CWC27: variants seen among roughly 807,000 people sequenced by gnomAD.
The protein encoded by CWC27 is CWC27 spliceosome associated cyclophilin, also known as spliceosome-associated protein CWC27 homolog.
A neutral mutation model predicts 63.6 loss-of-function variants in CWC27; 47 were observed. That is an observed-to-expected ratio of 0.74 (90% CI 0.58 to 0.94). The LOEUF (loss-of-function observed/expected upper bound fraction) is 0.94. CWC27 is among the 40% of genes least tolerant of loss of function. The pLI is 0.00. For synonymous variants in CWC27, 175 were observed against 179.8 expected, an observed-to-expected ratio of 0.97 and a Z score of 0.22; for missense variants, 495 against 554.3, an observed-to-expected ratio of 0.89 and a Z score of 1.07.
intron 10 of CWC27, among the ~76,000 whole-genome samples, chr5:64,857,071 A>ATGT (rs1451971174): frequency 1.3e-5 from 2 of 152,200 alleles, no homozygotes; most frequent in Non-Finnish European, 2.9e-5. Flanking sequence ...CATATTGGAG[A>ATGT]TGTTATAAGC....
chr5:64,827,891 A>G (rs964616558), intron 10 of CWC27, among the ~76,000 whole-genome samples: 6 of 152,174 alleles, frequency 3.9e-5, no homozygotes, highest in African/African-American at 1.4e-4. Context: ...ATCTTACACC[A>G]TCCTGCTTTG....
chr5:64,788,000 AC>A (rs1258403118), intron 6 of CWC27, among the ~76,000 whole-genome samples: 14 of 152,300 alleles, frequency 9.2e-5, no homozygotes, highest in Admixed American at 3.9e-4. Context: ...TTGATATCCT[AC>A]AAATACAAAG....
chr5:64,852,248 G>A (rs966388927), intron 10 of CWC27, among the ~76,000 whole-genome samples: 3 of 152,156 alleles, frequency 2.0e-5, no homozygotes, highest in Admixed American at 6.5e-5. Flanking sequence ...AGATCACAGT[G>A]ACTAAAAATG....
chr5:64,900,788 A>T (rs2112363293), intron 11 of CWC27, among the ~76,000 whole-genome samples: 1 of 152,224 alleles, frequency 6.6e-6, no homozygotes, highest in South Asian at 2.1e-4. Context: ...TTGCTAGGTG[A>T]TTTTATCGTT....
chr5:64,940,692 A>G (rs907466869), intron 11 of CWC27, among the ~76,000 whole-genome samples: 1 of 151,910 alleles, frequency 6.6e-6, no homozygotes, highest in African/African-American at 2.4e-5. Flanking sequence ...CCATTTATTT[A>G]TTATGTCAAT....
At chr5:64,916,473 G>A (rs1580724758) in intron 11 of CWC27, among the ~76,000 whole-genome samples, 1 of 152,062 alleles carries the variant, frequency 6.6e-6, no homozygotes, top group African/African-American at 2.4e-5. Flanking sequence ...GGATACTTAG[G>A]TAACACACAA....
intron 7 of CWC27, among the ~76,000 whole-genome samples, chr5:64,798,144 A>G (rs963680366): frequency 2.0e-5 from 3 of 152,158 alleles, no homozygotes; most frequent in Admixed American, 6.5e-5. Context: ...ATTCTTGTTT[A>G]AGTTATTTGA....
chr5:64,954,235 C>G (rs1302475020), intron 11 of CWC27, among the ~76,000 whole-genome samples: 1 of 152,132 alleles, frequency 6.6e-6, no homozygotes, highest in Non-Finnish European at 1.5e-5. Context: ...AAGCATAGGT[C>G]TCCAAGTGTA....
chr5:64,974,847 G>C (rs1187472947), intron 12 of CWC27, among the ~76,000 whole-genome samples: 1 of 152,066 alleles, frequency 6.6e-6, no homozygotes, highest in Non-Finnish European at 1.5e-5. Flanking sequence ...ACAGTAATCT[G>C]TTTTCTTATT....
intron 10 of CWC27, among the ~76,000 whole-genome samples, chr5:64,830,438 T>G (rs1450090892): frequency 6.6e-6 from 1 of 152,096 alleles, no homozygotes; most frequent in Non-Finnish European, 1.5e-5. Context: ...CAAGATGGAT[T>G]AAAGACTTAA....
chr5:64,894,377 T>A (rs1160049067), intron 11 of CWC27, among the ~76,000 whole-genome samples: 1 of 152,184 alleles, frequency 6.6e-6, no homozygotes, highest in Non-Finnish European at 1.5e-5. Context: ...TGATCCAACC[T>A]TGAGTGGATG....
chr5:64,953,850 T>G (rs1394114771), intron 11 of CWC27, among the ~76,000 whole-genome samples: 1 of 152,192 alleles, frequency 6.6e-6, no homozygotes, highest in East Asian at 1.9e-4. Context: ...ACATTAAGCC[T>G]AACATGGCAC....
intron 11 of CWC27, among the ~76,000 whole-genome samples, chr5:64,967,688 A>C (rs1051660561): frequency 6.6e-6 from 1 of 152,034 alleles, no homozygotes; most frequent in African/African-American, 2.4e-5. Flanking sequence ...AGCCTTTTTA[A>C]CATATAATAT....
intron 11 of CWC27, among the ~76,000 whole-genome samples, chr5:64,896,895 T>C (rs1290050730): frequency 6.6e-6 from 1 of 152,162 alleles, no homozygotes; most frequent in Admixed American, 6.6e-5. Context: ...CAATGCAACT[T>C]ATGTGAGAAA....
chr5:64,889,403 A>G (rs890734504), intron 11 of CWC27, among the ~76,000 whole-genome samples: 3 of 152,236 alleles, frequency 2.0e-5, no homozygotes, highest in Admixed American at 2.0e-4. Flanking sequence ...TAATTTCAAA[A>G]TAAAACAACG....
chr5:64,831,841 C>T (rs1343987238), intron 10 of CWC27, among the ~76,000 whole-genome samples: 1 of 151,818 alleles, frequency 6.6e-6, no homozygotes, highest in African/African-American at 2.4e-5. Flanking sequence ...ATTTTTATAA[C>T]TAATAACTGG....
At chr5:64,844,784 C>T (rs919177201) in intron 10 of CWC27, 2 of 417,164 alleles carry the variant, frequency 4.8e-6, no homozygotes, top group East Asian at 1.4e-4. Context: ...AGCATAGAGC[C>T]TAGACCTGTT....
intron 7 of CWC27, among the ~76,000 whole-genome samples, chr5:64,798,377 G>T (rs550766007): frequency 6.6e-6 from 1 of 152,222 alleles, no homozygotes; most frequent in South Asian, 2.1e-4. Context: ...TTCTTGTCCT[G>T]TCTTCTTTCT....
At chr5:64,924,018 C>T (rs547324031) in intron 11 of CWC27, among the ~76,000 whole-genome samples, 66 of 152,238 alleles carry the variant, frequency 4.3e-4, no homozygotes, top group Non-Finnish European at 7.2e-4. Context: ...CACTTCTTCA[C>T]TTCTGTTAAC....
Sources: allele counts gnomAD v4.1 joint callset (sites outside exome capture counted in the v4.1 genomes callset), GRCh38; gene constraint gnomAD v4.1.1; transcripts MANE v1.5; gene names NCBI Gene and HGNC (gene_info 2026-07-23, HGNC 2026-07-21).